The following ESR1 variants were observed in gnomAD, a reference collection of about 807,000 sequenced individuals.
ESR1 encodes estrogen receptor 1.
In ESR1, 12 loss-of-function variants were observed where a neutral mutation model predicts 52.7. The observed-to-expected ratio is 0.23, with a 90% CI of 0.15 to 0.37. The LOEUF (loss-of-function observed/expected upper bound fraction) is 0.37. Among genes scored for constraint, ESR1 ranks in the 10% least tolerant of loss-of-function variants. The probability of loss-of-function intolerance (pLI) is 1.00; values close to 1 mark genes in which losing one functional copy is unlikely to be tolerated. For missense variants in ESR1, 584 were observed against 779.7 expected, an observed-to-expected ratio of 0.75 and a Z score of 2.99; for synonymous variants, 305 against 316.8, an observed-to-expected ratio of 0.96 and a Z score of 0.39.
intron 6 of ESR1, chr6:152,122,486 G>A (rs894581389): frequency 1.9e-6 from 3 of 1,614,176 alleles, no homozygotes; most frequent in South Asian, 1.1e-5. Flanking sequence ...TGGAATGACC[G>A]GGCAAAGTTG....
At chr6:151,954,781 T>A (rs61617756) in intron 4 of ESR1, among the ~76,000 whole-genome samples, 24,430 of 152,236 alleles carry the variant, frequency 0.16, 2,245 homozygotes, top group African/African-American at 0.23. Context: ...TCTGTCAGTG[T>A]TTTTCTTTTT....
intron 2 of ESR1, among the ~76,000 whole-genome samples, chr6:151,858,588 T>G (rs536563556): frequency 9.2e-5 from 14 of 152,196 alleles, no homozygotes; most frequent in Non-Finnish European, 1.6e-4. Flanking sequence ...CCTGTTTTTT[T>G]TTTTTTTTTT....
At chr6:152,007,240 A>G (rs531166649) in intron 4 of ESR1, among the ~76,000 whole-genome samples, 1 of 152,126 alleles carries the variant, frequency 6.6e-6, no homozygotes, top group South Asian at 2.1e-4. Context: ...GAGTGGAGAG[A>G]GGGCTCAGGA....
intron 3 of ESR1, among the ~76,000 whole-genome samples, chr6:151,941,630 A>G (rs1041294665): frequency 6.6e-6 from 1 of 152,002 alleles, no homozygotes; most frequent in East Asian, 1.9e-4. Context: ...CTGGAGGTCA[A>G]CTAGTGCAAA....
At chr6:151,812,158 T>C (rs569902266) in intron 1 of ESR1, among the ~76,000 whole-genome samples, 1 of 152,270 alleles carries the variant, frequency 6.6e-6, no homozygotes, top group East Asian at 1.9e-4. Context: ...CTAGAAAAGA[T>C]GCCAGACTTA....
chr6:151,967,338 C>G (rs974368491), intron 4 of ESR1, among the ~76,000 whole-genome samples: 10 of 152,204 alleles, frequency 6.6e-5, no homozygotes, highest in African/African-American at 2.4e-4. Context: ...TCGCCTAGCC[C>G]CTCACCCCTT....
At chr6:152,118,794 AAAAC>A (rs137908438) in intron 6 of ESR1, among the ~76,000 whole-genome samples, 3,056 of 152,218 alleles carry the variant, frequency 0.02, 96 homozygotes, top group African/African-American at 0.07. Context: ...AAATAAAAAT[AAAAC>A]AAACAAACAC....
chr6:152,021,475 C>A (rs1339353126), intron 5 of ESR1, among the ~76,000 whole-genome samples: 2 of 152,080 alleles, frequency 1.3e-5, no homozygotes, highest in Admixed American at 1.3e-4. Flanking sequence ...GTTCTTTTAT[C>A]AAATAGAAAG....
chr6:151,987,837 T>C (rs1197828815), intron 4 of ESR1, among the ~76,000 whole-genome samples: 1 of 152,170 alleles, frequency 6.6e-6, no homozygotes, highest in Non-Finnish European at 1.5e-5. Context: ...GAGTATGCCA[T>C]GTCTATCTTT....
chr6:151,785,288 A>C (rs1786913301), intron 2 of ESR1, among the ~76,000 whole-genome samples: 1 of 152,204 alleles, frequency 6.6e-6, no homozygotes, highest in Non-Finnish European at 1.5e-5. Flanking sequence ...AGAATGGTCA[A>C]GAGAGATGGC....
chr6:151,900,282 C>T (rs980257239), intron 3 of ESR1, among the ~76,000 whole-genome samples: 2 of 152,140 alleles, frequency 1.3e-5, no homozygotes, highest in Non-Finnish European at 2.9e-5. Flanking sequence ...TCCTTCATTT[C>T]CTGAAGTTGT....
At chr6:151,679,961 T>C (rs1778393847) in intron 1 of ESR1, among the ~76,000 whole-genome samples, 1 of 152,172 alleles carries the variant, frequency 6.6e-6, no homozygotes, top group Non-Finnish European at 1.5e-5. Flanking sequence ...GTACTCCCCA[T>C]CTCTAATCCC....
At chr6:151,771,144 G>A (rs1207233718) in intron 2 of ESR1, among the ~76,000 whole-genome samples, 4 of 152,116 alleles carry the variant, frequency 2.6e-5, no homozygotes, top group Non-Finnish European at 4.4e-5. Context: ...TGTAGACAAC[G>A]ACTCTCACTC....
intron 3 of ESR1, among the ~76,000 whole-genome samples, chr6:151,899,578 A>AC (rs1439096200): frequency 9.1e-5 from 11 of 120,462 alleles, no homozygotes; most frequent in African/African-American, 1.3e-4. Flanking sequence ...CGGGGAGCTG[A>AC]CCCCCCCACC....
intron 5 of ESR1, among the ~76,000 whole-genome samples, chr6:152,055,735 A>G (rs893628826): frequency 4.6e-5 from 7 of 152,124 alleles, no homozygotes; most frequent in African/African-American, 1.7e-4. Flanking sequence ...GTCTCATTTG[A>G]CCACTTCCCC....
chr6:151,808,122 G>T lies in ESR1; in HGVS notation c.210G>T (p.Ala70=), dbSNP rs1201056666. 1.9e-6 allele frequency: 3 copies of T among 1,610,248 alleles called. No individual in the cohort carries two copies. The highest frequency in any genetic ancestry group is 2.2e-5 in the South Asian group (2 of 90,486). The change falls in exon 1 of 8, where the codon GCG becomes GCT. Residue 70 remains alanine (A), a synonymous_variant. Transcript: ENST00000206249. ...YEFNAAAAAN[A]QVYGQTGLPY... is the part of the protein sequence containing the mutation. ...TCAACGCCGCGGCCGCCGCCAACGC[G>T]CAGGTCTACGGTCAGACCGGCCTCC...
chr6:151,669,185 A>AGG (rs1777951891), intron 1 of ESR1, among the ~76,000 whole-genome samples: 27 of 115,376 alleles, frequency 2.3e-4, no homozygotes, highest in South Asian at 9.1e-4. Context: ...AGAGAGAGAG[A>AGG]GAGATGGGAA....
intron 1 of ESR1, among the ~76,000 whole-genome samples, chr6:151,836,888 A>G (rs747559506): frequency 5.9e-5 from 9 of 152,202 alleles, no homozygotes; most frequent in South Asian, 2.1e-4. Context: ...TTTAAAAACC[A>G]AGGCTTCTTA....
At chr6:151,669,450 C>T (rs917623528) in intron 1 of ESR1, among the ~76,000 whole-genome samples, 1 of 152,044 alleles carries the variant, frequency 6.6e-6, no homozygotes, top group Non-Finnish European at 1.5e-5. Flanking sequence ...GCTCAAGAAA[C>T]CTGAGGAGGC....
Sources: allele counts gnomAD v4.1 joint callset (sites outside exome capture counted in the v4.1 genomes callset), GRCh38; gene constraint gnomAD v4.1.1; transcripts MANE v1.5; gene names NCBI Gene and HGNC (gene_info 2026-07-23, HGNC 2026-07-21).